The following GRID2 variants were observed in gnomAD, a reference collection of about 807,000 sequenced individuals.
GRID2 encodes the protein glutamate receptor ionotropic, delta-2.
A neutral mutation model predicts 114.8 loss-of-function variants in GRID2; 33 were observed. The ratio of observed to expected loss-of-function variants is 0.29; its 90% CI spans 0.22 to 0.38. The LOEUF (loss-of-function observed/expected upper bound fraction) is 0.38, where lower values mean the gene tolerates loss of function less well. Among genes scored for constraint, GRID2 ranks in the 10% least tolerant of loss-of-function variants. The probability of loss-of-function intolerance (pLI) is 1.00; values close to 1 mark genes in which losing one functional copy is unlikely to be tolerated. For synonymous variants in GRID2, 505 were observed against 449.9 expected, an observed-to-expected ratio of 1.12 and a Z score of -1.55; for missense variants, 1,184 against 1,257.7, an observed-to-expected ratio of 0.94 and a Z score of 0.89.
chr4:92,588,504 G>A (rs901588634), intron 1 of GRID2, among the ~76,000 whole-genome samples: 2 of 150,858 alleles, frequency 1.3e-5, no homozygotes, highest in African/African-American at 4.9e-5. Flanking sequence ...GTGAAACCCC[G>A]TCCCTACTAC....
intron 2 of GRID2, among the ~76,000 whole-genome samples, chr4:92,780,127 T>C (rs1438569727): frequency 6.6e-6 from 1 of 152,146 alleles, no homozygotes; most frequent in Admixed American, 6.6e-5. Flanking sequence ...TCTGTTTTCC[T>C]ACAGGTAAAA....
At chr4:92,667,714 C>T (rs536025890) in intron 2 of GRID2, among the ~76,000 whole-genome samples, 1 of 151,358 alleles carries the variant, frequency 6.6e-6, no homozygotes, top group Non-Finnish European at 1.5e-5. Flanking sequence ...AAAAAAAATA[C>T]CCCCTAGAGT....
chr4:93,300,672 C>A (rs900207208), intron 8 of GRID2, among the ~76,000 whole-genome samples: 1 of 152,116 alleles, frequency 6.6e-6, no homozygotes, highest in African/African-American at 2.4e-5. Context: ...TGTAGCAGGA[C>A]GAGCCGCAGA....
intron 4 of GRID2, among the ~76,000 whole-genome samples, chr4:93,191,589 C>A (rs923323332): frequency 2.0e-5 from 3 of 151,848 alleles, no homozygotes; most frequent in African/African-American, 7.3e-5. Context: ...ATCTTTATTT[C>A]TTTATCACTA....
At position 92,473,375 on chromosome 4, in the gene GRID2, A is replaced by C. The variant is rs541951513; in HGVS notation, c.89-116756A>C. ...CACATCGGTCGTCTTATAATAAGGA[A>C]AGTTTTATTTTTTCACTTTTTAATG... On this transcript the variant is annotated intron_variant, in intron 1 of 15. Transcript: ENST00000282020. Among the ~76,000 whole-genome samples the C allele has an allele frequency of 9.9e-5, 15 of 152,106 alleles. No homozygotes were observed. In the East Asian group the frequency reaches 2.9e-3, roughly 29 times the overall value.
chr4:93,603,103 G>A lies in GRID2; in HGVS notation c.2194-23166G>A, dbSNP rs71599287. Among the ~76,000 whole-genome samples, 7 of 152,196 alleles carry A rather than the reference G, an allele frequency of 4.6e-5. 1 individual carries two copies. The South Asian group carries it at 1.2e-3, about 27-fold the overall frequency. ...CAGGCGCCTGTAATCTCAGCTACTC[G>A]GGAGGCTGAGGCAGGATAATCGCTT... On this transcript the variant is annotated intron_variant, in intron 13 of 15. Transcript: ENST00000282020.
intron 13 of GRID2, among the ~76,000 whole-genome samples, chr4:93,614,178 G>C (rs929243920): frequency 6.6e-6 from 1 of 152,178 alleles, no homozygotes; most frequent in Non-Finnish European, 1.5e-5. Context: ...GCTCGCGCAC[G>C]GTGCGTGCAC....
At chr4:93,748,694 GCT>G (rs896253797) in intron 14 of GRID2, among the ~76,000 whole-genome samples, 2 of 61,252 alleles carry the variant, frequency 3.3e-5, no homozygotes, top group Non-Finnish European at 6.2e-5. Context: ...TTTAATTTAG[GCT>G]CCCCAAAAAA....
intron 8 of GRID2, among the ~76,000 whole-genome samples, chr4:93,304,483 A>C (rs1369337329): frequency 2.0e-5 from 3 of 151,958 alleles, no homozygotes. Flanking sequence ...GAGATTGGTC[A>C]CACTTCAGAG....
At chr4:92,957,375 G>A (rs1489130449) in intron 2 of GRID2, among the ~76,000 whole-genome samples, 1 of 151,988 alleles carries the variant, frequency 6.6e-6, no homozygotes, top group African/African-American at 2.4e-5. Flanking sequence ...CCAGGTGGTT[G>A]TCTAGTTGTT....
intron 10 of GRID2, among the ~76,000 whole-genome samples, chr4:93,434,020 A>T (rs756894507): frequency 6.6e-6 from 1 of 152,186 alleles, no homozygotes; most frequent in Non-Finnish European, 1.5e-5. Context: ...TACTGTTGAC[A>T]CATTTAATAC....
intron 1 of GRID2, among the ~76,000 whole-genome samples, chr4:93,784,967 C>T (rs1308700673): frequency 2.0e-5 from 3 of 152,156 alleles, no homozygotes; most frequent in Non-Finnish European, 4.4e-5. Context: ...AGAGTATCTT[C>T]ATAGAGAAGA....
chr4:93,727,163 A>G (rs1729994888), intron 14 of GRID2, among the ~76,000 whole-genome samples: 1 of 152,166 alleles, frequency 6.6e-6, no homozygotes, highest in Non-Finnish European at 1.5e-5. Flanking sequence ...ACGTCCCATC[A>G]ATACCTAATT....
chr4:93,764,841 A>T (rs1378904922), intron 14 of GRID2, among the ~76,000 whole-genome samples: 3 of 152,178 alleles, frequency 2.0e-5, no homozygotes. Context: ...TGGAAATTGC[A>T]CGCCAAACAG....
chr4:93,290,638 ATAT>A (rs778094932), intron 8 of GRID2, among the ~76,000 whole-genome samples: 2 of 152,036 alleles, frequency 1.3e-5, no homozygotes, highest in Non-Finnish European at 2.9e-5. Context: ...ATGAGATTAA[ATAT>A]TATGTGTTTT....
At chr4:92,943,537 G>C (rs960501788) in intron 2 of GRID2, among the ~76,000 whole-genome samples, 5 of 151,710 alleles carry the variant, frequency 3.3e-5, no homozygotes, top group Admixed American at 6.6e-5. Context: ...TCCTCCTTTA[G>C]CTCGGAGTAG....
intron 1 of GRID2, among the ~76,000 whole-genome samples, chr4:92,385,278 T>C (rs1729890660): frequency 6.6e-6 from 1 of 151,820 alleles, no homozygotes; most frequent in African/African-American, 2.4e-5. Context: ...GACATGACTA[T>C]ATGACTGAAT....
At chr4:92,635,482 T>C (rs914320585) in intron 2 of GRID2, among the ~76,000 whole-genome samples, 53 of 152,116 alleles carry the variant, frequency 3.5e-4, no homozygotes, top group African/African-American at 1.3e-3. Context: ...TTAGGTGTTA[T>C]TCGGAAAGTT....
chr4:92,488,541 T>C (rs1412949966), intron 1 of GRID2, among the ~76,000 whole-genome samples: 1 of 152,178 alleles, frequency 6.6e-6, no homozygotes, highest in Non-Finnish European at 1.5e-5. Flanking sequence ...AAAATCTTTA[T>C]GTTACTGGGA....
Sources: gnomAD v4.1 joint callset for allele counts (sites outside exome capture counted in the v4.1 genomes callset) on GRCh38, gnomAD v4.1.1 for gene constraint, MANE v1.5 for transcripts, NCBI Gene and HGNC (gene_info 2026-07-23, HGNC 2026-07-21) for gene names.